INO80D: variants seen among roughly 807,000 people sequenced by gnomAD.
INO80D encodes INO80 complex subunit D.
A neutral mutation model predicts 87.6 loss-of-function variants in INO80D; 21 were observed. The observed-to-expected ratio is 0.24, with a 90% CI of 0.17 to 0.35. The LOEUF (loss-of-function observed/expected upper bound fraction) is 0.35, where lower values mean the gene tolerates loss of function less well. Ranked by LOEUF, INO80D falls within the 10% of genes least tolerant of loss-of-function variation. The pLI, the probability that INO80D is intolerant of heterozygous loss-of-function variation, is 1.00. For synonymous variants in INO80D, 440 were observed against 491.0 expected (o/e 0.90, Z 1.37); for missense variants, 982 against 1,280.7 (o/e 0.77, Z 3.56).
intron 4 of INO80D, among the ~76,000 whole-genome samples, chr2:206,055,247 TA>T (rs1689482844): frequency 6.6e-6 from 1 of 152,228 alleles, no homozygotes. Flanking sequence ...TCAACTGAAT[TA>T]AAGGTTTAAA....
chr2:206,023,945 A>T (rs1688534708), intron 6 of INO80D, among the ~76,000 whole-genome samples: 2 of 152,176 alleles, frequency 1.3e-5, no homozygotes, highest in Non-Finnish European at 2.9e-5. Context: ...TCATAGATAT[A>T]TACAGTTTTC....
intron 1 of INO80D, among the ~76,000 whole-genome samples, chr2:206,069,277 C>T (rs1358036185): frequency 6.6e-6 from 1 of 152,078 alleles, no homozygotes; most frequent in Non-Finnish European, 1.5e-5. Context: ...TCTGCTTCCA[C>T]TTAATACTAA....
intron 5 of INO80D, among the ~76,000 whole-genome samples, chr2:206,044,085 C>T (rs1016339211): frequency 6.6e-6 from 1 of 151,914 alleles, no homozygotes; most frequent in Non-Finnish European, 1.5e-5. Context: ...TCCAGCTACT[C>T]GGGAGGCTGT....
intron 5 of INO80D, among the ~76,000 whole-genome samples, chr2:206,045,009 A>G (rs1430301975): frequency 1.3e-5 from 2 of 152,174 alleles, no homozygotes; most frequent in Non-Finnish European, 2.9e-5. Flanking sequence ...TCAGTGTAAG[A>G]AAAAAAGGTA....
chr2:206,017,669 G>C lies in INO80D; in HGVS notation c.1542+11C>G. 6.4e-7 allele frequency: 1 copy of C among 1,563,708 alleles called. No homozygotes were observed. ...TACAAAAAGTTTGAAAGCCTCTGTT[G>C]CAGAACTTACCATTTTTTTGGCATG... On this transcript the variant is annotated intron_variant, in intron 8 of 10. Transcript: ENST00000403263.
At position 205,999,006 on chromosome 2, in the gene INO80D, T is replaced by G. The variant is rs1425951951; in HGVS notation, c.*5362A>C. ...TCAGCACTAATCCACTGGAGCCAAC[T>G]GTACCTTAATGATGCAGGTTGGAGT... On this transcript the variant is annotated 3_prime_UTR_variant, in exon 11 of 11. Coordinates refer to ENST00000403263, the MANE Select transcript of INO80D (RefSeq NM_017759.5). The G allele has an allele frequency of 1.3e-5, 2 of 152,168 alleles. No individual in the cohort carries two copies. Among genetic ancestry groups the G allele is most frequent in the Non-Finnish European group, 2.9e-5 (2 of 68,056 alleles). 9.4% of individuals were successfully genotyped at this position (152,168 alleles called of 1,614,324 possible).
intron 8 of INO80D, among the ~76,000 whole-genome samples, chr2:206,012,130 A>T (rs1251039710): frequency 6.6e-6 from 1 of 152,202 alleles, no homozygotes; most frequent in African/African-American, 2.4e-5. Context: ...ATATGATCAG[A>T]TGTATAGTCT....
rs1330392760 is a variant in INO80D, at chr2:206,004,386, G to A, written c.3066C>T (p.Pro1022=). 1 of 1,595,722 alleles carries A rather than the reference G, an allele frequency of 6.3e-7. No individual in the cohort carries two copies. The highest frequency in any genetic ancestry group is 1.3e-5 in the African/African-American group (1 of 74,626). The change falls in exon 11 of 11, where the codon CCC becomes CCT. Residue 1022 remains proline, a synonymous_variant. Transcript: ENST00000403263. This position sits in a 1 kb window ranked among gnomAD's most constrained non-coding sequence, Gnocchi z 4.9. ...GACACCCTCAGTTAGGGGAGGGAAA[G>A]GGAGAAGATGCATTATTGGTACTTG... ...TATSTNNASS[P]FPSPN
chr2:206,057,553 G>A (rs1689558503), intron 3 of INO80D, among the ~76,000 whole-genome samples: 1 of 152,144 alleles, frequency 6.6e-6, no homozygotes, highest in Non-Finnish European at 1.5e-5. Flanking sequence ...CCTACCTGCA[G>A]TAGGCGCTAA....
At chr2:206,019,042 A>G (rs1382887361) in intron 7 of INO80D, among the ~76,000 whole-genome samples, 1 of 152,200 alleles carries the variant, frequency 6.6e-6, no homozygotes, top group Non-Finnish European at 1.5e-5. Context: ...AAAACTATAA[A>G]GCCTTTATTA....
chr2:206,057,010 C>T, intron 3 of INO80D, 67 bp from the exon 4 acceptor site: 1 of 1,423,162 alleles, frequency 7.0e-7, no homozygotes. Context: ...GAACATAAAA[C>T]TACATGAGAA....
At chr2:206,054,584 G>A (rs1689464000) in intron 4 of INO80D, among the ~76,000 whole-genome samples, 1 of 151,514 alleles carries the variant, frequency 6.6e-6, no homozygotes, top group South Asian at 2.1e-4. Flanking sequence ...CACAATCTCG[G>A]CTCACTGCAG....
intron 1 of INO80D, among the ~76,000 whole-genome samples, chr2:206,066,054 G>A (rs900124408): frequency 2.0e-5 from 3 of 152,100 alleles, no homozygotes; most frequent in Non-Finnish European, 4.4e-5. Flanking sequence ...GAGGTCAGGA[G>A]TTCAGGACCA....
chr2:206,014,665 A>G (rs957020984), intron 8 of INO80D, among the ~76,000 whole-genome samples: 2 of 151,968 alleles, frequency 1.3e-5, no homozygotes, highest in Non-Finnish European at 2.9e-5. Flanking sequence ...AGTCTCAGGT[A>G]TGTCTTTATC....
intron 1 of INO80D, among the ~76,000 whole-genome samples, chr2:206,078,206 T>G (rs1690176038): frequency 6.6e-6 from 1 of 150,926 alleles, no homozygotes. Flanking sequence ...TCACCTGAGG[T>G]CAGGAGTTCA....
At chr2:206,080,519 T>G (rs1004863173) in intron 1 of INO80D, among the ~76,000 whole-genome samples, 2 of 152,194 alleles carry the variant, frequency 1.3e-5, no homozygotes, top group African/African-American at 4.8e-5. Flanking sequence ...ATTTGCCCCA[T>G]TAAAGTAATT....
Position 206,007,363 on chromosome 2 carries a change from G to A in INO80D, c.1839C>T (p.Asp613=), listed in dbSNP as rs753131336. The stretch of plus-strand genomic sequence containing the variant: ...AAAAGTCCTCCTGGTTCAATTCCAA[G>A]TCATGTGGAATGTCAGTGATCTCAT... The part of the protein sequence containing the change: ...IANEITDIPH[D]LELNQEDFSD... The change falls in exon 10 of 11, where the codon GAC becomes GAT. Residue 613 remains aspartate (D), a synonymous_variant. Coordinates refer to ENST00000403263, the MANE Select transcript of INO80D (RefSeq NM_017759.5). 1.9e-6 allele frequency: 3 copies of A among 1,613,768 alleles called. No homozygotes were observed. In the South Asian group the frequency reaches 3.3e-5, roughly 18 times the overall value.
At chr2:206,076,628 T>C (rs1342042339) in intron 1 of INO80D, among the ~76,000 whole-genome samples, 2 of 152,226 alleles carry the variant, frequency 1.3e-5, no homozygotes, top group Non-Finnish European at 2.9e-5. Context: ...ATAATGCTTA[T>C]TGAATGTCTA....
chr2:206,049,533 T>C (rs1375421634), intron 4 of INO80D, among the ~76,000 whole-genome samples: 1 of 152,150 alleles, frequency 6.6e-6, no homozygotes, highest in Non-Finnish European at 1.5e-5. Context: ...GAAGTCAAGA[T>C]CTAAGTCATA....
Sources: gnomAD v4.1 joint callset for allele counts (sites outside exome capture counted in the v4.1 genomes callset) on GRCh38, gnomAD v4.1.1 for gene constraint, Gnocchi (gnomAD v3.1) non-coding constraint, MANE v1.5 for transcripts, NCBI Gene and HGNC (gene_info 2026-07-23, HGNC 2026-07-21) for gene names.